GAREM2: variants seen among roughly 807,000 people sequenced by gnomAD.
GAREM2 encodes the protein GRB2-associated and regulator of MAPK protein 2.
A neutral mutation model predicts 55.6 loss-of-function variants in GAREM2; 30 were observed. The ratio of observed to expected loss-of-function variants is 0.54; its 90% CI spans 0.40 to 0.73. The LOEUF (loss-of-function observed/expected upper bound fraction) is 0.73. Ranked by LOEUF, GAREM2 falls within the 30% of genes least tolerant of loss-of-function variation. The pLI is 0.00. For missense variants in GAREM2, 1,075 were observed against 1,257.7 expected, an observed-to-expected ratio of 0.85 and a Z score of 2.20; for synonymous variants, 550 against 569.1, an observed-to-expected ratio of 0.97 and a Z score of 0.48.
At chr2:26,180,117 G>T (rs1668996037) in intron 2 of GAREM2, among the ~76,000 whole-genome samples, 1 of 152,172 alleles carries the variant, frequency 6.6e-6, no homozygotes, top group Non-Finnish European at 1.5e-5. Context: ...CCAGGGCGGG[G>T]AGGGCAGGCC....
At chr2:26,203,574 TAA>T in the GAREM2 span, among the ~76,000 whole-genome samples, 4 of 152,106 alleles carry the variant, frequency 2.6e-5, no homozygotes, top group Non-Finnish European at 5.9e-5. Context: ...AGTCAGGAAA[TAA>T]AAGTCTGAAG....
chr2:26,203,492 G>C, the GAREM2 span, among the ~76,000 whole-genome samples: 1 of 152,282 alleles, frequency 6.6e-6, no homozygotes, highest in African/African-American at 2.4e-5. Context: ...TAATTCAGAG[G>C]TAAGATGGAG....
At chr2:26,181,169 T>C in intron 2 of GAREM2, 1 of 974,488 alleles carries the variant, frequency 1.0e-6, no homozygotes, top group Non-Finnish European at 1.2e-6. Flanking sequence ...CTCCAGTGGG[T>C]CTCATGTTGT....
At chr2:26,193,571 A>G, downstream of GAREM2, 1 of 1,606,204 alleles carries the variant, frequency 6.2e-7, no homozygotes, top group Non-Finnish European at 8.5e-7. Flanking sequence ...CCTTGAGGCT[A>G]CTCACCTAGG....
At chr2:26,195,564 T>C in the GAREM2 span, among the ~76,000 whole-genome samples, 2 of 143,222 alleles carry the variant, frequency 1.4e-5, no homozygotes, top group African/African-American at 2.6e-5. Flanking sequence ...TTAATGATAC[T>C]GATGGTTTAG....
the GAREM2 span, among the ~76,000 whole-genome samples, chr2:26,198,528 A>C: frequency 6.6e-6 from 1 of 152,056 alleles, no homozygotes; most frequent in African/African-American, 2.4e-5. Flanking sequence ...CACCTGTCAA[A>C]TGTGTGCAAA....
the GAREM2 span, among the ~76,000 whole-genome samples, chr2:26,201,825 C>T: frequency 5.3e-5 from 8 of 151,356 alleles, no homozygotes; most frequent in African/African-American, 1.5e-4. Flanking sequence ...GACGGAGTCT[C>T]GCTCTGTTGC....
At chr2:26,191,232 G>A (rs1313612341), downstream of GAREM2, 1 of 1,611,290 alleles carries the variant, frequency 6.2e-7, no homozygotes, top group African/African-American at 1.3e-5. Flanking sequence ...CACTGACTGA[G>A]CGAGGCATGA....
rs957379413 is a variant in GAREM2, at chr2:26,176,244, G to A, written c.113-100G>A. The A allele has an allele frequency of 3.4e-6, 4 of 1,186,130 alleles. No homozygotes were observed. In the Admixed American group the frequency reaches 1.1e-4, roughly 34 times the overall value. 73.5% of individuals were successfully genotyped at this position (1,186,130 alleles called of 1,614,324 possible). A position where few individuals can be genotyped will look rare whatever the true frequency, so the allele number is the denominator to read the frequency against. On this transcript the variant is annotated intron_variant, in intron 1 of 5. Coordinates refer to ENST00000401533, the MANE Select transcript of GAREM2 (RefSeq NM_001168241.2). ...AGGGATTGTGTGGAGCTGTCCCTCA[G>A]GGGGGCGGTCTTGGTGAGGACGTCA...
intron 5 of GAREM2, among the ~76,000 whole-genome samples, chr2:26,186,964 GA>G (rs1298465550): frequency 1.3e-5 from 2 of 152,156 alleles, no homozygotes; most frequent in Non-Finnish European, 2.9e-5. Flanking sequence ...AACAGAGCGA[GA>G]ACACCATCTC....
At chr2:26,182,826 GAAA>G (rs1669096710) in intron 2 of GAREM2, 138 bp from the exon 3 acceptor site, 2 of 1,051,374 alleles carry the variant, frequency 1.9e-6, no homozygotes, top group East Asian at 5.2e-5. Flanking sequence ...CATGCCAGTG[GAAA>G]CCTGCCCTTT....
At chr2:26,195,060 A>C in the GAREM2 span, 4 of 1,593,346 alleles carry the variant, frequency 2.5e-6, no homozygotes, top group Non-Finnish European at 3.4e-6. Context: ...AACTTTTCAA[A>C]AACTCTGCAG....
chr2:26,193,133 G>C (rs1312586076), downstream of GAREM2, among the ~76,000 whole-genome samples: 1 of 152,066 alleles, frequency 6.6e-6, no homozygotes, highest in African/African-American at 2.4e-5. Flanking sequence ...CCCGGATGCA[G>C]AGCTTGCTTC....
downstream of GAREM2, chr2:26,193,459 A>C (rs900341481): frequency 3.8e-4 from 338 of 882,540 alleles, no homozygotes; most frequent in Non-Finnish European, 1.1e-4. Flanking sequence ...CGCCAGTGAT[A>C]AGGGCTCTGT....
chr2:26,194,474 A>G, downstream of GAREM2: 3 of 820,056 alleles, frequency 3.7e-6, no homozygotes, highest in South Asian at 4.2e-5. Flanking sequence ...GAGTTGGTGT[A>G]TCAGAAGGAA....
At chr2:26,185,865 C>G (rs907700846) in intron 4 of GAREM2, among the ~76,000 whole-genome samples, 5 of 152,210 alleles carry the variant, frequency 3.3e-5, no homozygotes, top group African/African-American at 1.2e-4. Context: ...TCTGCTTTCT[C>G]TCCTTTTCCT....
rs12162334 is a variant in GAREM2, at chr2:26,181,641, T to G, written c.254-1326T>G. Reference sequence around the variant, plus strand: ...TGCTCCATCAATATCTGTGCAATAATTAAATGAATGAACTGTGACAGAAGC... The same window carrying G: ...TGCTCCATCAATATCTGTGCAATAAGTAAATGAATGAACTGTGACAGAAGC... On this transcript the variant is annotated intron_variant, in intron 2 of 5. Transcript: ENST00000401533. 14,563 of 152,204 alleles carry G rather than the reference T, an allele frequency of 0.096. 2,339 individuals are homozygous for G. The highest frequency in any genetic ancestry group is 0.76 in the East Asian group (3,934 of 5,164). 9.4% of individuals were successfully genotyped at this position (152,204 alleles called of 1,614,324 possible). A position where few individuals can be genotyped will look rare whatever the true frequency, so the allele number is the denominator to read the frequency against.
At chr2:26,202,078 C>G in the GAREM2 span, among the ~76,000 whole-genome samples, 3 of 151,868 alleles carry the variant, frequency 2.0e-5, no homozygotes, top group African/African-American at 7.3e-5. Flanking sequence ...GGATTATAGG[C>G]GTGAGCCACC....
downstream of GAREM2, chr2:26,191,330 C>T (rs1193924531): frequency 1.9e-6 from 3 of 1,614,058 alleles, no homozygotes; most frequent in South Asian, 3.3e-5. Flanking sequence ...CCATAGGCAG[C>T]TTCATATTTC....
Sources: gnomAD v4.1 joint callset for allele counts (sites outside exome capture counted in the v4.1 genomes callset) on GRCh38, gnomAD v4.1.1 for gene constraint, MANE v1.5 for transcripts, NCBI Gene and HGNC (gene_info 2026-07-23, HGNC 2026-07-21) for gene names.